The following NRG3 variants were observed in gnomAD, a reference collection of about 807,000 sequenced individuals.
NRG3 encodes the protein pro-neuregulin-3, membrane-bound isoform.
Under a neutral mutation model 66.9 loss-of-function variants are expected in NRG3, and 31 were observed. The observed-to-expected ratio is 0.46, with a 90% CI of 0.35 to 0.63. NRG3 has a LOEUF of 0.63. Ranked by LOEUF, NRG3 falls within the 20% of genes least tolerant of loss-of-function variation. The probability of loss-of-function intolerance (pLI) is 0.00; values close to 1 mark genes in which losing one functional copy is unlikely to be tolerated. For synonymous variants in NRG3, 393 were observed against 359.4 expected, an observed-to-expected ratio of 1.09 and a Z score of -1.06; for missense variants, 910 against 878.9, an observed-to-expected ratio of 1.04 and a Z score of -0.45.
chr10:82,113,519 T>G (rs2132270350), intron 1 of NRG3, among the ~76,000 whole-genome samples: 1 of 152,262 alleles, frequency 6.6e-6, no homozygotes, highest in East Asian at 1.9e-4. Flanking sequence ...ATGTGGTGAT[T>G]TGGGTTATGA....
chr10:81,993,451 A>G (rs2060817072), intron 1 of NRG3, among the ~76,000 whole-genome samples: 1 of 152,076 alleles, frequency 6.6e-6, no homozygotes, highest in South Asian at 2.1e-4. Flanking sequence ...GGTTCAAATG[A>G]TCCTCCTGCC....
At chr10:81,936,328 T>C (rs1847866925) in intron 1 of NRG3, among the ~76,000 whole-genome samples, 2 of 152,140 alleles carry the variant, frequency 1.3e-5, no homozygotes, top group Admixed American at 1.3e-4. Context: ...CAAACTGTGA[T>C]TGGAGTTCTA....
chr10:82,097,629 C>T (rs1590098801), intron 1 of NRG3, among the ~76,000 whole-genome samples: 4 of 151,386 alleles, frequency 2.6e-5, no homozygotes, highest in Admixed American at 2.6e-4. Flanking sequence ...AGGTAAAGAC[C>T]TAGGAGTGGA....
chr10:82,526,685 A>G lies in NRG3; in HGVS notation c.953+167817A>G, dbSNP rs142440849. Among the ~76,000 whole-genome samples, 888 of 152,086 alleles carry G rather than the reference A, an allele frequency of 5.8e-3. 8 individuals are homozygous for G. The highest frequency in any genetic ancestry group is 0.02 in the African/African-American group (842 of 41,560). On this transcript the variant is annotated intron_variant, in intron 2 of 8. Transcript: ENST00000372141. Reference sequence around the variant, plus strand: ...TAATCATGAAGGTTTGAGTCCTCCAATCCTAAATTTATATTCACCTGGTAA... The same window carrying G: ...TAATCATGAAGGTTTGAGTCCTCCAGTCCTAAATTTATATTCACCTGGTAA...
intron 1 of NRG3, among the ~76,000 whole-genome samples, chr10:82,056,321 G>A (rs1019034107): frequency 6.6e-6 from 1 of 152,068 alleles, no homozygotes; most frequent in South Asian, 2.1e-4. Flanking sequence ...ATGGTGAAAG[G>A]ATTAGTGTAT....
chr10:82,465,101 G>A lies in NRG3; in HGVS notation c.953+106233G>A, dbSNP rs1035555833. 8.5e-5 allele frequency among the ~76,000 whole-genome samples: 13 copies of A among 152,220 alleles called. No homozygotes were observed. The East Asian group carries it at 1.9e-3, about 23-fold the overall frequency. On this transcript the variant is annotated intron_variant, in intron 2 of 8. Coordinates refer to ENST00000372141, the MANE Select transcript of NRG3 (RefSeq NM_001010848.4). ...TTTCTAAATTCTATCTTACTGAAGA[G>A]CATCCCTACAGTGGCACACCAGAGT...
chr10:82,615,333 C>A (rs946594559), intron 2 of NRG3, among the ~76,000 whole-genome samples: 1 of 151,902 alleles, frequency 6.6e-6, no homozygotes, highest in Admixed American at 6.6e-5. Flanking sequence ...TAGTATTCCA[C>A]TGAAGATGCA....
intron 2 of NRG3, among the ~76,000 whole-genome samples, chr10:82,643,903 C>T (rs1213083880): frequency 2.0e-4 from 4 of 20,180 alleles, no homozygotes; most frequent in African/African-American, 6.4e-4. Flanking sequence ...CACACACACA[C>T]CCACACACAC....
chr10:81,891,251 G>C (rs572449887), intron 1 of NRG3, among the ~76,000 whole-genome samples: 1 of 152,294 alleles, frequency 6.6e-6, no homozygotes, highest in South Asian at 2.1e-4. Context: ...TGTGCCGTGG[G>C]AGAAAGAGAT....
intron 2 of NRG3, among the ~76,000 whole-genome samples, chr10:82,626,870 C>T (rs756899052): frequency 8.5e-5 from 13 of 152,084 alleles, no homozygotes. Context: ...TCACAGTTGA[C>T]CTGTTAACAT....
intron 2 of NRG3, among the ~76,000 whole-genome samples, chr10:82,463,961 T>A (rs554709102): frequency 6.6e-6 from 1 of 152,232 alleles, no homozygotes; most frequent in Non-Finnish European, 1.5e-5. Context: ...AAAAGCACTT[T>A]ATTGAATAAA....
chr10:82,523,884 C>T (rs1253184093), intron 2 of NRG3, among the ~76,000 whole-genome samples: 3 of 152,050 alleles, frequency 2.0e-5, no homozygotes, highest in African/African-American at 7.2e-5. Flanking sequence ...GATTGAATTT[C>T]TCTGTGTTCT....
chr10:82,840,907 C>T (rs2063025389), intron 3 of NRG3, among the ~76,000 whole-genome samples: 1 of 151,800 alleles, frequency 6.6e-6, no homozygotes, highest in Non-Finnish European at 1.5e-5. Context: ...ATCCTGTATC[C>T]CCTAAAAAGA....
chr10:81,992,655 T>C (rs150111050), intron 1 of NRG3, among the ~76,000 whole-genome samples: 324 of 152,292 alleles, frequency 2.1e-3, no homozygotes, highest in African/African-American at 6.8e-3. Context: ...AGAATGACTC[T>C]CTTTGTCCTC....
At chr10:82,281,188 T>TG (rs1421256989) in intron 1 of NRG3, among the ~76,000 whole-genome samples, 1 of 152,146 alleles carries the variant, frequency 6.6e-6, no homozygotes, top group Non-Finnish European at 1.5e-5. Flanking sequence ...TTTAAATACT[T>TG]GCATTGCCGT....
chr10:82,522,886 G>A (rs73309845), intron 2 of NRG3, among the ~76,000 whole-genome samples: 4,734 of 152,164 alleles, frequency 0.031, 133 homozygotes, highest in Middle Eastern at 0.075. Flanking sequence ...TTGCTACTCA[G>A]AAAGACCCCT....
At chr10:82,811,938 A>G (rs989160090) in intron 3 of NRG3, among the ~76,000 whole-genome samples, 1 of 152,212 alleles carries the variant, frequency 6.6e-6, no homozygotes, top group African/African-American at 2.4e-5. Context: ...GGATCCTACA[A>G]TCTTTGGTCA....
intron 1 of NRG3, among the ~76,000 whole-genome samples, chr10:82,347,584 T>G (rs1450643341): frequency 4.6e-5 from 7 of 151,804 alleles, no homozygotes; most frequent in Non-Finnish European, 1.0e-4. Context: ...CTATTAGGTC[T>G]GCTTGGTGCA....
chr10:82,682,390 TAGATAGAC>T (rs1207209048), intron 2 of NRG3, among the ~76,000 whole-genome samples: 43 of 139,586 alleles, frequency 3.1e-4, no homozygotes, highest in African/African-American at 7.2e-4. Flanking sequence ...AGGTAGATAG[TAGATAGAC>T]AGATAGATAG....
Sources: gnomAD v4.1 joint callset for allele counts (sites outside exome capture counted in the v4.1 genomes callset) on GRCh38, gnomAD v4.1.1 for gene constraint, MANE v1.5 for transcripts, NCBI Gene and HGNC (gene_info 2026-07-23, HGNC 2026-07-21) for gene names.